Variants in SRRT observed in about 807,000 individuals in gnomAD.
SRRT encodes the protein serrate, RNA effector molecule, also known as serrate RNA effector molecule homolog.
A neutral mutation model predicts 103.2 loss-of-function variants in SRRT; 32 were observed. That is an observed-to-expected ratio of 0.31 (90% CI 0.23 to 0.42). The LOEUF (loss-of-function observed/expected upper bound fraction) is 0.42. SRRT is among the 10% of genes least tolerant of loss of function. The pLI is 1.00. For missense variants in SRRT, 986 were observed against 1,207.5 expected, an observed-to-expected ratio of 0.82 and a Z score of 2.72; for synonymous variants, 525 against 449.0, an observed-to-expected ratio of 1.17 and a Z score of -2.14.
chr7:100,885,917 C>T lies in SRRT; in HGVS notation c.1434C>T (p.Ile478=), dbSNP rs1425886078. Residue 478 remains isoleucine, a synonymous_variant, in exon 12 of 20, where the codon ATC becomes ATT. Coordinates refer to ENST00000611405, the MANE Select transcript of SRRT (RefSeq NM_015908.6). This position sits in a 1 kb window ranked among gnomAD's most constrained non-coding sequence, Gnocchi z 4.8. The part of the protein sequence containing the change: ...TFDRSVNIKE[I]CWNLQNIRLR... ...ACCGCAGTGTTAACATTAAAGAGAT[C>T]TGTTGGAACCTGCAGAACATCCGTG... 1.2e-6 allele frequency: 2 copies of T among 1,613,956 alleles called. No homozygotes were observed. Among genetic ancestry groups the T allele is most frequent in the Non-Finnish European group, 1.7e-6 (2 of 1,180,026 alleles).
Position 100,887,461 on chromosome 7 carries a change from AG to A in SRRT, c.2119del (p.Glu707AsnfsTer37), listed in dbSNP as rs1398866824. 1 of 1,614,076 alleles carries A rather than the reference AG, an allele frequency of 6.2e-7. No individual in the cohort carries two copies. Among genetic ancestry groups the A allele is most frequent in the Non-Finnish European group, 8.5e-7 (1 of 1,180,044 alleles). ...EVEKFVTSNT[Q>X]ELGKDKWLCP... ...GAGAAGTTCGTCACCTCCAACACGCAGGAACTGGGCAAGGATAAGTGGCTGT... is the reference window on the plus strand; with the variant it reads ...GAGAAGTTCGTCACCTCCAACACGCAGAACTGGGCAAGGATAAGTGGCTGT... On this transcript the variant is annotated frameshift_variant, in exon 16 of 20. Coordinates refer to ENST00000611405, the MANE Select transcript of SRRT (RefSeq NM_015908.6). LOFTEE classifies it high-confidence loss of function. This position sits in a 1 kb window ranked among gnomAD's most constrained non-coding sequence, Gnocchi z 4.1.
rs529884686 is a variant in SRRT at position 100,875,206 on chromosome 7, C to T, written c.-141C>T. On this transcript the variant is annotated 5_prime_UTR_variant, in exon 1 of 20. Transcript: ENST00000611405. Reference sequence around the variant, plus strand: ...CACTTTTGTTCGCCTCTCTTCGGCCCTCTACTCAAGAGCTCCGTCTCCGTC... The same window carrying T: ...CACTTTTGTTCGCCTCTCTTCGGCCTTCTACTCAAGAGCTCCGTCTCCGTC... The T allele has an allele frequency of 2.5e-5, 6 of 236,416 alleles. No individual in the cohort carries two copies. In the East Asian group the frequency reaches 5.6e-4, roughly 22 times the overall value. 14.6% of individuals were successfully genotyped at this position (236,416 alleles called of 1,614,324 possible).
At position 100,887,535 on chromosome 7, in the gene SRRT, C is replaced by CCGTGCTA. The variant is rs1563025741; in HGVS notation, c.2169+25_2169+31dup. The CCGTGCTA allele has an allele frequency of 6.2e-7, 1 of 1,610,482 alleles. No individual in the cohort carries two copies. The highest frequency in any genetic ancestry group is 8.5e-7 in the Non-Finnish European group (1 of 1,177,802). ...CAAGGTGTGGGATGTTGGAGAATGG[C>CCGTGCTA]CGTGCTACGGTGGTGGGAGGTGGGG... On this transcript the variant is annotated intron_variant, in intron 16 of 19. Transcript: ENST00000611405. This position sits in a 1 kb window ranked among gnomAD's most constrained non-coding sequence, Gnocchi z 4.1.
rs997950727 is a variant in SRRT at position 100,881,144 on chromosome 7, G to GT, written c.123-141_123-140insT. On this transcript the variant is annotated intron_variant, in intron 2 of 19. Coordinates refer to ENST00000611405, the MANE Select transcript of SRRT (RefSeq NM_015908.6). ...TTTTTTGTAGGGATGGCGGGGGGCG[G>GT]GGGGGGGTCTCACTATTGCCCAGGT... 6 of 770,078 alleles carry GT rather than the reference G, an allele frequency of 7.8e-6. No individual in the cohort carries two copies. In the South Asian group the frequency reaches 7.8e-5, roughly 10 times the overall value. 47.7% of individuals were successfully genotyped at this position (770,078 alleles called of 1,614,324 possible).
rs1790311861 is a variant in SRRT at position 100,887,967 on chromosome 7, C to T, written c.2327-75C>T. On this transcript the variant is annotated intron_variant, in intron 17 of 19. Coordinates refer to ENST00000611405, the MANE Select transcript of SRRT (RefSeq NM_015908.6). This position sits in a 1 kb window ranked among gnomAD's most constrained non-coding sequence, Gnocchi z 4.1. ...GAGAAGTTTCTGCCCCATCCTCAGG[C>T]CATAGCCCTAGAAGTCAATTGTACC... 1.3e-6 allele frequency: 2 copies of T among 1,532,582 alleles called. No individual in the cohort carries two copies. Among genetic ancestry groups the T allele is most frequent in the East Asian group, 4.5e-5 (2 of 44,072 alleles). The allele number at this position is 1,532,582 out of a possible 1,614,324, so 94.9% of individuals were successfully genotyped here.
intron 2 of SRRT, among the ~76,000 whole-genome samples, chr7:100,877,635 C>A (rs986479009): frequency 1.3e-5 from 2 of 151,654 alleles, no homozygotes; most frequent in African/African-American, 4.8e-5. Flanking sequence ...GATTCTCCTG[C>A]CTCAGCCTCC....
chr7:100,881,436 TCCTCCCCTTTGCCTCAGTTCCACCTGGG>T, intron 3 of SRRT, 23 bp downstream of exon 3: 1 of 1,605,168 alleles, frequency 6.2e-7, no homozygotes, highest in Non-Finnish European at 8.5e-7. Flanking sequence ...GGTTTCCCTC[TCCTCCCCTTTGCCTCAGTTCCACCTGGG>T]CCTCCCCTTT....
Position 100,875,671 on chromosome 7 carries a change from C to A in SRRT, c.81C>A (p.Arg27=), listed in dbSNP as rs559419305. 6.2e-7 allele frequency: 1 copy of A among 1,614,068 alleles called. No homozygotes were observed. The highest frequency in any genetic ancestry group is 1.6e-4 in the Middle Eastern group (1 of 6,062). ...AGCGCAGCGACTACGACCGTTCCCG[C>A]GAGAGAGATGAAAGACGTCGAGGGG... ...RRERSDYDRS[R]ERDERRRGDD... The change falls in exon 2 of 20, where the codon CGC becomes CGA. Residue 27 remains arginine (R), a synonymous_variant. Transcript: ENST00000611405.
chr7:100,887,646 C>T lies in SRRT; in HGVS notation c.2170-57C>T. On this transcript the variant is annotated intron_variant, in intron 16 of 19. Transcript: ENST00000611405. The surrounding 1 kb of genome is among the most constrained non-coding windows in gnomAD (Gnocchi z 4.1). ...AGCTGGGAATCCTTCCAGCTCGGGCCTGGGAGCGAGGCAACCCTTATGTGG... is the reference window on the plus strand; with the variant it reads ...AGCTGGGAATCCTTCCAGCTCGGGCTTGGGAGCGAGGCAACCCTTATGTGG... The T allele has an allele frequency of 6.3e-7, 1 of 1,583,202 alleles. No individual in the cohort carries two copies. The highest frequency in any genetic ancestry group is 1.1e-5 in the South Asian group (1 of 87,268).
rs796835566 is a variant in SRRT, at chr7:100,878,309, C to CA, written c.122+2610dup. On this transcript the variant is annotated intron_variant, in intron 2 of 19. Transcript: ENST00000611405. ...CCTGGGCAACAGAGAGATACCCTGT[C>CA]AAAAAAAAAAAAAGGAAATTAAAAT... Among the ~76,000 whole-genome samples, 1,018 of 121,586 alleles carry CA rather than the reference C, an allele frequency of 8.4e-3. 2 individuals carry two copies. Among genetic ancestry groups the CA allele is most frequent in the Middle Eastern group, 0.013 (3 of 234 alleles). The allele number at this position is 121,586 out of a possible 152,430, so 79.8% of individuals were successfully genotyped here. A position where few individuals can be genotyped will look rare whatever the true frequency, so the allele number is the denominator to read the frequency against.
In SRRT at chr7:100,887,984, A is replaced by G. The variant is rs930853019; in HGVS notation, c.2327-58A>G. 9 of 1,524,842 alleles carry G rather than the reference A, an allele frequency of 5.9e-6. No individual in the cohort carries two copies. Among genetic ancestry groups the G allele is most frequent in the South Asian group, 1.3e-5 (1 of 77,460 alleles). The allele number at this position is 1,524,842 out of a possible 1,614,324, so 94.5% of individuals were successfully genotyped here. On this transcript the variant is annotated intron_variant, in intron 17 of 19. Coordinates refer to ENST00000611405, the MANE Select transcript of SRRT (RefSeq NM_015908.6). The surrounding 1 kb of genome is among the most constrained non-coding windows in gnomAD (Gnocchi z 4.1). ...TCCTCAGGCCATAGCCCTAGAAGTC[A>G]ATTGTACCCGTATCCCCCTCCCCGC...
At chr7:100,879,658 A>AGAT (rs1816093596) in intron 2 of SRRT, among the ~76,000 whole-genome samples, 1 of 152,204 alleles carries the variant, frequency 6.6e-6, no homozygotes, top group Non-Finnish European at 1.5e-5. Context: ...TAACCCACAT[A>AGAT]AGCAGAAACT....
At position 100,884,457 on chromosome 7, in the gene SRRT, C is replaced by T. The variant is rs1789885666; in HGVS notation, c.847C>T (p.Pro283Ser). 5.0e-6 allele frequency: 8 copies of T among 1,613,616 alleles called. No homozygotes were observed. The Admixed American group carries it at 6.7e-5, about 13-fold the overall frequency. ...EEEQAGKPGE[P>S]SKKEEGRAGA... ...GGAGCAGGCAGGAAAGCCTGGGGAG[C>T]CCAGCAAGAAAGAAGAAGGACGGGC... Residue 283 changes from proline (P) to serine (S), a missense_variant, in exon 7 of 20, where the codon CCC becomes TCC. Physicochemically the swap from Pro to Ser is moderately conservative, Grantham distance 74. Coordinates refer to ENST00000611405, the MANE Select transcript of SRRT (RefSeq NM_015908.6).
rs574558874 is a variant in SRRT at position 100,885,280 on chromosome 7, G to A, written c.1227G>A (p.Gly409=). 8.7e-6 allele frequency: 14 copies of A among 1,614,168 alleles called. No individual in the cohort carries two copies. The South Asian group carries it at 9.9e-5, about 11-fold the overall frequency. ...EEWEKPKDAA[G]LECKPRPLHK... The stretch of plus-strand genomic sequence containing the variant: ...GGGAGAAGCCCAAGGACGCCGCGGG[G>A]CTGGAGTGCAAGCCGCGGCCGCTGC... Residue 409 remains glycine, a synonymous_variant, in exon 10 of 20, where the codon GGG becomes GGA. Transcript: ENST00000611405. The surrounding 1 kb of genome is among the most constrained non-coding windows in gnomAD (Gnocchi z 4.8).
At chr7:100,886,619 C>G (rs1790131291) in intron 13 of SRRT, 176 bp from the exon 14 acceptor site, 1 of 965,936 alleles carries the variant, frequency 1.0e-6, no homozygotes, top group Non-Finnish European at 1.5e-6. Context: ...TGCTAGTGAT[C>G]ATTTGTGGCT....
intron 6 of SRRT, 44 bp downstream of exon 6, chr7:100,884,283 G>GGTGGGGGTGTCTGGGGATC: frequency 6.2e-7 from 1 of 1,613,130 alleles, no homozygotes; most frequent in Non-Finnish European, 8.5e-7. Context: ...GCCCCATGGG[G>GGTGGGGGTGTCTGGGGATC]GTGGGGGTGT....
chr7:100,881,507 T>A, intron 3 of SRRT, 94 bp downstream of exon 3: 1 of 1,565,074 alleles, frequency 6.4e-7, no homozygotes, highest in Non-Finnish European at 8.7e-7. Flanking sequence ...CTTTGTCATT[T>A]CCTTTTCTCA....
intron 6 of SRRT, 51 bp from the exon 7 acceptor site, chr7:100,884,317 T>G (rs1280361181): frequency 6.2e-7 from 1 of 1,612,596 alleles, no homozygotes; most frequent in Non-Finnish European, 8.5e-7. Context: ...AGAAGCCGGT[T>G]GACAGGAGCC....
chr7:100,883,451 C>T (rs1348828653), intron 5 of SRRT, among the ~76,000 whole-genome samples: 4 of 152,190 alleles, frequency 2.6e-5, no homozygotes, highest in Non-Finnish European at 5.9e-5. Flanking sequence ...ACCTTCCAGC[C>T]CTCTCCTCTC....
Sources: gnomAD v4.1 joint callset for allele counts (sites outside exome capture counted in the v4.1 genomes callset) on GRCh38, gnomAD v4.1.1 for gene constraint, Gnocchi (gnomAD v3.1) non-coding constraint, MANE v1.5 for transcripts, NCBI Gene and HGNC (gene_info 2026-07-23, HGNC 2026-07-21) for gene names.